EML5: variants seen among roughly 807,000 people sequenced by gnomAD.
The protein encoded by EML5 is EMAP like 5.
A neutral mutation model predicts 250.0 loss-of-function variants in EML5; 120 were observed. That is an observed-to-expected ratio of 0.48 (90% CI 0.41 to 0.56). The LOEUF is 0.56. EML5 is among the 20% of genes least tolerant of loss of function. The pLI, the probability that EML5 is intolerant of heterozygous loss-of-function variation, is 0.00. For missense variants in EML5, 2,006 were observed against 2,437.6 expected (o/e 0.82, Z 3.73); for synonymous variants, 771 against 806.5 (o/e 0.96, Z 0.75).
At chr14:88,740,996 C>G (rs2093916600) in intron 4 of EML5, among the ~76,000 whole-genome samples, 1 of 152,058 alleles carries the variant, frequency 6.6e-6, no homozygotes, top group South Asian at 2.1e-4. Flanking sequence ...AGTCCCATCT[C>G]TGCTAAAAAT....
intron 10 of EML5, among the ~76,000 whole-genome samples, chr14:88,709,499 T>C (rs2139823953): frequency 6.6e-6 from 1 of 152,296 alleles, no homozygotes; most frequent in East Asian, 1.9e-4. Context: ...TTTTAAAAGA[T>C]GGTTAACCTC....
chr14:88,618,858 TATAA>T (rs1237521916), intron 39 of EML5, 46 bp from the exon 40 acceptor site: 2 of 1,502,208 alleles, frequency 1.3e-6, no homozygotes, highest in African/African-American at 2.8e-5. Flanking sequence ...CATGAAGTAT[TATAA>T]ATACTTAAGA....
intron 41 of EML5, 137 bp from the exon 42 acceptor site, chr14:88,617,016 G>A (rs2087739634): frequency 4.3e-6 from 3 of 691,222 alleles, no homozygotes; most frequent in Non-Finnish European, 6.8e-6. Context: ...ATGGTAAGTT[G>A]TTTGGAGACC....
chr14:88,692,656 C>T (rs986219413), intron 17 of EML5, among the ~76,000 whole-genome samples: 4 of 152,180 alleles, frequency 2.6e-5, no homozygotes, highest in African/African-American at 4.8e-5. Flanking sequence ...CCATGAGGTA[C>T]AACTGTAGTA....
intron 20 of EML5, among the ~76,000 whole-genome samples, chr14:88,684,692 CTGA>C (rs2092791419): frequency 6.6e-6 from 1 of 151,700 alleles, no homozygotes. Context: ...CCTTTATTTT[CTGA>C]TAAGAAATTA....
rs1229371004 is a variant in EML5, at chr14:88,687,206, C to T, written c.2854+10G>A. 1 of 1,595,520 alleles carries T rather than the reference C, an allele frequency of 6.3e-7. No homozygotes were observed. The highest frequency in any genetic ancestry group is 8.5e-7 in the Non-Finnish European group (1 of 1,170,354). On this transcript the variant is annotated intron_variant, in intron 19 of 43. Coordinates refer to ENST00000554922, the MANE Select transcript of EML5 (RefSeq NM_183387.3). ...TTCCTATACAAAAACCCCACTAAGT[C>T]TCAAATCACCTTTAGATCCTGGGGC...
intron 7 of EML5, among the ~76,000 whole-genome samples, chr14:88,728,616 G>A (rs997249495): frequency 6.6e-6 from 1 of 152,094 alleles, no homozygotes; most frequent in African/African-American, 2.4e-5. Context: ...CATTGTGTAG[G>A]CTGAGGAGGA....
intron 32 of EML5, among the ~76,000 whole-genome samples, chr14:88,636,737 A>G (rs983223973): frequency 6.6e-6 from 1 of 152,218 alleles, no homozygotes; most frequent in Admixed American, 6.5e-5. Flanking sequence ...AAACTGGAAG[A>G]TAATGCCATG....
In EML5 at chr14:88,740,508, A is replaced by G; in HGVS notation, c.590T>C (p.Leu197Pro). 2.5e-6 allele frequency: 4 copies of G among 1,613,770 alleles called. No homozygotes were observed. Among genetic ancestry groups the G allele is most frequent in the Non-Finnish European group, 3.4e-6 (4 of 1,179,766 alleles). The change falls in exon 5 of 44, where the codon CTT becomes CCT. Residue 197 changes from leucine to proline, a missense_variant. Around this residue, in one of 7 missense-constraint regions of EML5, gnomAD observed 1,375 missense variants for 1,590.3 expected, o/e 0.86. Coordinates refer to ENST00000554922, the MANE Select transcript of EML5 (RefSeq NM_183387.3). ...ACAGGCTAGGCACAGTATTGTCTGA[A>G]GGTCACCCGTCTTACCAAAGACACC... ...KRGVFGKTGDLQTILCLACAR... is the reference protein window; with the variant it reads ...KRGVFGKTGDPQTILCLACAR...
In EML5 at chr14:88,695,349, T is replaced by C. The variant is rs2093053082; in HGVS notation, c.2438+12A>G. On this transcript the variant is annotated intron_variant, in intron 16 of 43. Transcript: ENST00000554922. ...AGTATTTTGCAAATGTGATATCAAGTTTTTTTCCTACCTTGCTATTGAAAG... is the reference window on the plus strand; with the variant it reads ...AGTATTTTGCAAATGTGATATCAAGCTTTTTTCCTACCTTGCTATTGAAAG... 6.2e-7 allele frequency: 1 copy of C among 1,600,994 alleles called. No homozygotes were observed. Among genetic ancestry groups the C allele is most frequent in the African/African-American group, 1.3e-5 (1 of 74,668 alleles).
chr14:88,780,872 T>C (rs1485846024), intron 1 of EML5, among the ~76,000 whole-genome samples: 5 of 152,074 alleles, frequency 3.3e-5, no homozygotes, highest in Non-Finnish European at 7.4e-5. Context: ...TGCACCTGGC[T>C]GAGTGGGGCC....
chr14:88,787,306 A>T (rs900235413), intron 1 of EML5, among the ~76,000 whole-genome samples: 6 of 152,200 alleles, frequency 3.9e-5, no homozygotes, highest in Non-Finnish European at 1.5e-5. Context: ...TTGTGTCTAA[A>T]CTCTGAGTAT....
At chr14:88,616,052 A>C in intron 43 of EML5, 90 bp downstream of exon 43, 2 of 1,421,304 alleles carry the variant, frequency 1.4e-6, no homozygotes, top group African/African-American at 2.8e-5. Context: ...TGACTAGCTG[A>C]TTTCATAAAC....
chr14:88,782,327 A>C (rs1014932873), intron 1 of EML5, among the ~76,000 whole-genome samples: 1 of 152,216 alleles, frequency 6.6e-6, no homozygotes, highest in East Asian at 1.9e-4. Context: ...CAAAGAATTC[A>C]AGAGGAAGCA....
rs1188748616 is a variant in EML5, at chr14:88,726,662, C to T, written c.1066G>A (p.Asp356Asn). ...TTACACCTTGCTATTAATGCATGAT[C>T]TACTAGGCTCCATATCCTGTAAAAT... ...DRSVRIWSLVDHALIARCNME... is the reference protein window; with the variant it reads ...DRSVRIWSLVNHALIARCNME... Residue 356 changes from aspartate (D) to asparagine (N), a missense_variant, in exon 8 of 44, where the codon GAT becomes AAT. By Grantham distance (23) the Asp-to-Asn change is conservative. Around this residue, in one of 7 missense-constraint regions of EML5, gnomAD observed 1,375 missense variants for 1,590.3 expected, o/e 0.86. Coordinates refer to ENST00000554922, the MANE Select transcript of EML5 (RefSeq NM_183387.3). The T allele has an allele frequency of 4.5e-6, 7 of 1,554,152 alleles. No homozygotes were observed. Among genetic ancestry groups the T allele is most frequent in the Non-Finnish European group, 6.1e-6 (7 of 1,148,080 alleles).
intron 9 of EML5, among the ~76,000 whole-genome samples, chr14:88,712,901 A>G (rs1007284850): frequency 2.6e-5 from 4 of 152,214 alleles, no homozygotes; most frequent in African/African-American, 7.2e-5. Context: ...ACTGGAAAAG[A>G]CCAAGAAGAA....
At chr14:88,724,842 G>C (rs1375293153) in intron 8 of EML5, among the ~76,000 whole-genome samples, 3 of 152,122 alleles carry the variant, frequency 2.0e-5, no homozygotes, top group Admixed American at 6.6e-5. Flanking sequence ...ATGAGAAAAA[G>C]AACAGATGTT....
At chr14:88,764,460 G>A (rs764687531) in intron 1 of EML5, among the ~76,000 whole-genome samples, 1 of 152,108 alleles carries the variant, frequency 6.6e-6, no homozygotes, top group East Asian at 1.9e-4. Flanking sequence ...GTGATATCCT[G>A]ATGAATACTG....
chr14:88,763,124 C>G (rs1461765128), intron 1 of EML5, among the ~76,000 whole-genome samples: 3 of 152,070 alleles, frequency 2.0e-5, no homozygotes, highest in Non-Finnish European at 4.4e-5. Flanking sequence ...CAAACAAATT[C>G]AAAAGCTAGC....
Sources: allele counts gnomAD v4.1 joint callset (sites outside exome capture counted in the v4.1 genomes callset), GRCh38; gene constraint gnomAD v4.1.1; regional missense constraint gnomAD v4.1.1; transcripts MANE v1.5; gene names NCBI Gene and HGNC (gene_info 2026-07-23, HGNC 2026-07-21).